Variants in LY96 observed in about 807,000 individuals in gnomAD.
LY96 encodes myeloid differentiation protein-2.
A neutral mutation model predicts 18.9 loss-of-function variants in LY96; 18 were observed. The observed-to-expected ratio is 0.95, with a 90% CI of 0.66 to 1.41. The LOEUF is 1.41. LY96 is among the 40% of genes most tolerant of loss of function. LY96 has a pLI of 0.00. For synonymous variants in LY96, 66 were observed against 62.6 expected, an observed-to-expected ratio of 1.06 and a Z score of -0.26; for missense variants, 175 against 182.4, an observed-to-expected ratio of 0.96 and a Z score of 0.23.
chr8:74,058,883 G>T, the LY96 span, among the ~76,000 whole-genome samples: 1 of 152,238 alleles, frequency 6.6e-6, no homozygotes, highest in East Asian at 1.9e-4. Flanking sequence ...CCCACAGTTT[G>T]CTGTCTGCAA....
At chr8:74,004,648 C>T (rs1042702136) in intron 1 of LY96, 148 bp from the exon 2 acceptor site, 1 of 749,886 alleles carries the variant, frequency 1.3e-6, no homozygotes, top group Admixed American at 3.0e-5. Context: ...TGATGTCATT[C>T]TTCTGGGGAG....
At chr8:74,050,203 C>T in the LY96 span, among the ~76,000 whole-genome samples, 26 of 151,752 alleles carry the variant, frequency 1.7e-4, no homozygotes, top group African/African-American at 5.6e-4. Flanking sequence ...ATTAGGTGGG[C>T]CTGGTGATGG....
At chr8:74,099,325 C>T in the LY96 span, 1 of 152,200 alleles carries the variant, frequency 6.6e-6, no homozygotes, top group African/African-American at 2.4e-5. Context: ...GCCATTAGGC[C>T]TTCTTCCCTA....
the LY96 span, among the ~76,000 whole-genome samples, chr8:74,097,845 T>TATAGTTATAGTATA: frequency 6.6e-6 from 1 of 152,308 alleles, no homozygotes; most frequent in East Asian, 1.9e-4. Context: ...ATAGTAGAAA[T>TATAGTTATAGTATA]GCAGACTCTC....
chr8:74,012,502 G>C (rs1816550553), intron 3 of LY96, among the ~76,000 whole-genome samples: 1 of 152,172 alleles, frequency 6.6e-6, no homozygotes, highest in African/African-American at 2.4e-5. Flanking sequence ...ATGTACTACA[G>C]AGTGGAATGA....
the LY96 span, among the ~76,000 whole-genome samples, chr8:74,093,688 G>A: frequency 6.6e-6 from 1 of 152,146 alleles, no homozygotes; most frequent in Non-Finnish European, 1.5e-5. Context: ...CAGCCAATCT[G>A]TCAGATTTCA....
chr8:74,062,786 C>T, the LY96 span, among the ~76,000 whole-genome samples: 3 of 151,104 alleles, frequency 2.0e-5, no homozygotes, highest in South Asian at 2.1e-4. Context: ...ATGAGTTAGT[C>T]GCATGACTAG....
chr8:74,079,870 A>T, the LY96 span, among the ~76,000 whole-genome samples: 1 of 152,068 alleles, frequency 6.6e-6, no homozygotes, highest in African/African-American at 2.4e-5. Flanking sequence ...ATTCTTAAAG[A>T]CAGAGACTTA....
intron 2 of LY96, among the ~76,000 whole-genome samples, chr8:74,006,879 T>C (rs1816423287): frequency 6.6e-6 from 1 of 152,224 alleles, no homozygotes; most frequent in Non-Finnish European, 1.5e-5. Context: ...CGAAATCATT[T>C]AGAGTTCTCT....
chr8:74,040,938 G>A, the LY96 span, among the ~76,000 whole-genome samples: 9 of 151,804 alleles, frequency 5.9e-5, no homozygotes, highest in Non-Finnish European at 8.8e-5. Flanking sequence ...TCCTGACCTC[G>A]TGATCCACCC....
At chr8:74,088,577 C>T in the LY96 span, among the ~76,000 whole-genome samples, 7 of 152,026 alleles carry the variant, frequency 4.6e-5, no homozygotes, top group Non-Finnish European at 4.4e-5. Flanking sequence ...TACTGGGAAC[C>T]CTCCTGAGTA....
intron 1 of LY96, among the ~76,000 whole-genome samples, chr8:74,003,490 G>A (rs1372855205): frequency 4.6e-5 from 7 of 152,214 alleles, no homozygotes; most frequent in Admixed American, 3.3e-4. Context: ...GCTCAAAAGA[G>A]CCTTGCACTG....
At chr8:74,039,841 A>C in the LY96 span, among the ~76,000 whole-genome samples, 9 of 152,224 alleles carry the variant, frequency 5.9e-5, no homozygotes, top group Non-Finnish European at 1.2e-4. Flanking sequence ...TGACTATTGA[A>C]GCACAGCACC....
At chr8:74,031,206 G>C (rs1816964259), downstream of LY96, among the ~76,000 whole-genome samples, 1 of 152,100 alleles carries the variant, frequency 6.6e-6, no homozygotes, top group South Asian at 2.1e-4. Flanking sequence ...ATGAAATCCG[G>C]AGTATATGCC....
rs545394659 is a variant in LY96 at position 74,011,138 on chromosome 8, C to G, written c.331+1009C>G. ...GTTATCTGAAGTTGAATGGTAGGAT[C>G]TCCTTCCTCAGAAAGTTACTCTGGG... On this transcript the variant is annotated intron_variant, in intron 3 of 4. Coordinates refer to ENST00000284818, the MANE Select transcript of LY96 (RefSeq NM_015364.5). 2.0e-5 allele frequency among the ~76,000 whole-genome samples: 3 copies of G among 152,276 alleles called. No individual in the cohort carries two copies. In the East Asian group the frequency reaches 5.8e-4, roughly 29 times the overall value.
the LY96 span, among the ~76,000 whole-genome samples, chr8:74,058,678 C>A: frequency 6.6e-6 from 1 of 152,096 alleles, no homozygotes; most frequent in African/African-American, 2.4e-5. Flanking sequence ...TGCCATGACG[C>A]TGGGCTAATT....
downstream of LY96, among the ~76,000 whole-genome samples, chr8:74,031,634 CAAA>C (rs59273111): frequency 1.9e-5 from 2 of 103,614 alleles, no homozygotes; most frequent in Non-Finnish European, 2.2e-5. Flanking sequence ...GACTCTGTCT[CAAA>C]AAAAAAAAAA....
the LY96 span, among the ~76,000 whole-genome samples, chr8:74,052,158 T>A: frequency 6.6e-6 from 1 of 151,728 alleles, no homozygotes; most frequent in Non-Finnish European, 1.5e-5. Context: ...GGATGGAAGG[T>A]TTTTGCCAGT....
At chr8:74,090,991 T>C in the LY96 span, among the ~76,000 whole-genome samples, 3 of 152,354 alleles carry the variant, frequency 2.0e-5, no homozygotes, top group Admixed American at 6.5e-5. Flanking sequence ...TTCTGGTATA[T>C]ATGTGTATCG....
Sources: gnomAD v4.1 joint callset for allele counts (sites outside exome capture counted in the v4.1 genomes callset) on GRCh38, gnomAD v4.1.1 for gene constraint, MANE v1.5 for transcripts, NCBI Gene and HGNC (gene_info 2026-07-23, HGNC 2026-07-21) for gene names.